The following LAMB3 variants were observed in gnomAD, a reference collection of about 807,000 sequenced individuals.
LAMB3 encodes the protein laminin subunit beta 3.
In LAMB3, 104 loss-of-function variants were observed where a neutral mutation model predicts 140.3. The observed-to-expected ratio is 0.74, with a 90% CI of 0.63 to 0.87. LAMB3 has a LOEUF of 0.87. LAMB3 is among the 40% of genes least tolerant of loss of function. LAMB3 has a pLI of 0.00. For missense variants in LAMB3, 1,531 were observed against 1,575.2 expected (o/e 0.97, Z 0.47); for synonymous variants, 592 against 602.9 (o/e 0.98, Z 0.26).
Position 209,649,994 on chromosome 1 carries a change from C to G in LAMB3, c.153G>C (p.Lys51Asn). 1 of 1,614,214 alleles carries G rather than the reference C, an allele frequency of 6.2e-7. No individual in the cohort carries two copies. The change falls in exon 3 of 23, where the codon AAG (lysine) becomes AAC (asparagine). Residue 51 changes from lysine to asparagine, a missense_variant. By Grantham distance (94) the Lys-to-Asn change is moderately conservative (BLOSUM62 0). Coordinates refer to ENST00000356082, the MANE Select transcript of LAMB3 (RefSeq NM_000228.3). Reference protein sequence around the residue: ...LRASSTCGLTKPETYCTQYGE... With the variant: ...LRASSTCGLTNPETYCTQYGE... ...CATACTGGGTGCAGTAGGTCTCAGG[C>G]TTGGTCAGTCCACAGGTAGATGAAG...
chr1:209,643,343 G>A (rs1355428637), intron 3 of LAMB3, among the ~76,000 whole-genome samples: 1 of 152,230 alleles, frequency 6.6e-6, no homozygotes, highest in Non-Finnish European at 1.5e-5. Context: ...GCTCTCTGCT[G>A]CAGCTGCCTC....
At chr1:209,632,349 A>G (rs1040820833) in intron 8 of LAMB3, among the ~76,000 whole-genome samples, 2 of 152,230 alleles carry the variant, frequency 1.3e-5, no homozygotes, top group Non-Finnish European at 2.9e-5. Context: ...CAATTTCCAC[A>G]CTTATGTAAA....
chr1:209,625,346 C>A (rs1666395707), intron 14 of LAMB3, among the ~76,000 whole-genome samples: 1 of 152,176 alleles, frequency 6.6e-6, no homozygotes, highest in Non-Finnish European at 1.5e-5. Context: ...CTGACTCTCT[C>A]CCACAGGCAG....
At chr1:209,617,341 A>G in intron 21 of LAMB3, 69 bp downstream of exon 21, 1 of 1,515,956 alleles carries the variant, frequency 6.6e-7, no homozygotes, top group East Asian at 2.2e-5. Flanking sequence ...TAAAGTGTGC[A>G]AAGTCCTCCT....
intron 5 of LAMB3, among the ~76,000 whole-genome samples, chr1:209,635,164 C>A (rs537641046): frequency 5.3e-5 from 8 of 152,232 alleles, no homozygotes; most frequent in African/African-American, 1.9e-4. Context: ...TGATTTCATC[C>A]ATTTTGGGTG....
intron 6 of LAMB3, among the ~76,000 whole-genome samples, chr1:209,633,851 G>T (rs1666785986): frequency 6.6e-6 from 1 of 152,134 alleles, no homozygotes; most frequent in Admixed American, 6.5e-5. Context: ...CCAGGGGATG[G>T]GGAAACGCAG....
rs746441639 is a variant in LAMB3, at chr1:209,628,169, C to T, written c.1154G>A (p.Gly385Glu). Reference sequence around the variant, plus strand: ...GTCACAGGGAGCCCCTGGCACTGCCCCATCCGGATCACACTCGCAGGCTGA... The same window carrying T: ...GTCACAGGGAGCCCCTGGCACTGCCTCATCCGGATCACACTCGCAGGCTGA... Reference protein sequence around the residue: ...TCISCECDPDGAVPGAPCDPV... With the variant: ...TCISCECDPDEAVPGAPCDPV... Residue 385 changes from glycine to glutamate, a missense_variant, in exon 11 of 23, where the codon GGG becomes GAG. Transcript: ENST00000356082. The T allele has an allele frequency of 6.4e-7, 1 of 1,563,468 alleles. No homozygotes were observed. The highest frequency in any genetic ancestry group is 1.4e-5 in the African/African-American group (1 of 73,702).
chr1:209,617,426 G>A lies in LAMB3; in HGVS notation c.3212C>T (p.Ala1071Val). ...TCTCTGTACCTCTTGGGCACTCAAT[G>A]CCTGCTCGCTGGCACCTTCCGCAAG... ...QQLAEGASEQ[A>V]LSAQEGFERI... Residue 1071 changes from alanine (A) to valine (V), a missense_variant, in exon 21 of 23, where the codon GCA becomes GTA. Physicochemically the swap from Ala to Val is moderately conservative, Grantham distance 64. Coordinates refer to ENST00000356082, the MANE Select transcript of LAMB3 (RefSeq NM_000228.3). The A allele has an allele frequency of 6.2e-7, 1 of 1,612,684 alleles. No individual in the cohort carries two copies. Among genetic ancestry groups the A allele is most frequent in the Non-Finnish European group, 8.5e-7 (1 of 1,180,032 alleles).
intron 14 of LAMB3, among the ~76,000 whole-genome samples, chr1:209,625,031 G>A (rs373058836): frequency 3.2e-4 from 48 of 152,118 alleles, no homozygotes; most frequent in African/African-American, 1.1e-3. Flanking sequence ...TTCCTCTCCC[G>A]GAGCCCCCAG....
chr1:209,639,028 A>C (rs761717679), intron 3 of LAMB3, among the ~76,000 whole-genome samples: 1 of 151,868 alleles, frequency 6.6e-6, no homozygotes, highest in African/African-American at 2.4e-5. Flanking sequence ...TCTACGACAT[A>C]CTGGGCACAG....
At position 209,617,985 on chromosome 1, in the gene LAMB3, T is replaced by A. The variant is rs1004970736; in HGVS notation, c.2973A>T (p.Thr991=). Residue 991 remains threonine (T), a synonymous_variant, in exon 20 of 23, where the codon ACA becomes ACT. Transcript: ENST00000356082. ...TGTCCTGAGCTTCCTGCAGTGCCAC[T>A]GTCCCCTGCCGCAGGTTCCCAACCA... ...EDVVGNLRQG[T]VALQEAQDTM... is the part of the protein sequence containing the mutation. 6.2e-7 allele frequency: 1 copy of A among 1,614,218 alleles called. No homozygotes were observed. The highest frequency in any genetic ancestry group is 8.5e-7 in the Non-Finnish European group (1 of 1,180,048).
chr1:209,627,680 G>A, intron 11 of LAMB3, 101 bp from the exon 12 acceptor site: 1 of 1,102,160 alleles, frequency 9.1e-7, no homozygotes, highest in Non-Finnish European at 1.3e-6. Flanking sequence ...AAAAGAACTG[G>A]GCAGGGCCCT....
chr1:209,636,645 GC>G (rs1666903131), intron 5 of LAMB3, among the ~76,000 whole-genome samples: 1 of 151,964 alleles, frequency 6.6e-6, no homozygotes, highest in African/African-American at 2.4e-5. Context: ...GCATTCCCTT[GC>G]CCCCAACCCC....
chr1:209,628,338 G>T, intron 10 of LAMB3, 148 bp from the exon 11 acceptor site: 1 of 859,500 alleles, frequency 1.2e-6, no homozygotes, highest in Non-Finnish European at 1.9e-6. Flanking sequence ...ATCCCTCTGT[G>T]CCTCAATTTC....
Position 209,627,458 on chromosome 1 carries a change from C to G in LAMB3, c.1410G>C (p.Trp470Cys). The change falls in exon 12 of 23, where the codon TGG becomes TGC. Residue 470 changes from tryptophan (W) to cysteine (C), a missense_variant. Coordinates refer to ENST00000356082, the MANE Select transcript of LAMB3 (RefSeq NM_000228.3). ...PKCDQCAPYHWKLASGQGCEP... is the reference protein window; with the variant it reads ...PKCDQCAPYHCKLASGQGCEP... Reference sequence around the variant, plus strand: ...CACAGCCCTGGCCACTGGCCAGCTTCCAGTGGTAGGGAGCACACTGGTCAC... The same window carrying G: ...CACAGCCCTGGCCACTGGCCAGCTTGCAGTGGTAGGGAGCACACTGGTCAC... The G allele has an allele frequency of 6.2e-7, 1 of 1,614,060 alleles. No individual in the cohort carries two copies. Among genetic ancestry groups the G allele is most frequent in the Non-Finnish European group, 8.5e-7 (1 of 1,180,028 alleles).
At chr1:209,639,261 A>C (rs2076442211) in intron 3 of LAMB3, among the ~76,000 whole-genome samples, 1 of 152,222 alleles carries the variant, frequency 6.6e-6, no homozygotes, top group African/African-American at 2.4e-5. Flanking sequence ...TTTAGCATAT[A>C]CTATGTGCCA....
intron 10 of LAMB3, 33 bp from the exon 11 acceptor site, chr1:209,628,223 C>A (rs766941438): frequency 6.4e-7 from 1 of 1,550,680 alleles, no homozygotes; most frequent in Admixed American, 2.0e-5. Flanking sequence ...GCAGTAGGAA[C>A]AAAGAAAAGT....
intron 6 of LAMB3, among the ~76,000 whole-genome samples, chr1:209,633,812 AAGG>A (rs1181045396): frequency 2.0e-5 from 3 of 152,194 alleles, no homozygotes; most frequent in Admixed American, 6.5e-5. Flanking sequence ...CAGCCAGGGA[AAGG>A]AGAAGAGAAA....
At chr1:209,622,932 T>A (rs1666256510) in intron 17 of LAMB3, 50 bp downstream of exon 17, 1 of 1,594,140 alleles carries the variant, frequency 6.3e-7, no homozygotes, top group Admixed American at 1.7e-5. Flanking sequence ...GGGGGATCTA[T>A]CCTGTCTGCC....
Sources: allele counts gnomAD v4.1 joint callset (sites outside exome capture counted in the v4.1 genomes callset), GRCh38; gene constraint gnomAD v4.1.1; transcripts MANE v1.5; gene names NCBI Gene and HGNC (gene_info 2026-07-23, HGNC 2026-07-21).